CRYM: variants seen among roughly 807,000 people sequenced by gnomAD.
CRYM encodes the protein ketimine reductase mu-crystallin.
A neutral mutation model predicts 32.9 loss-of-function variants in CRYM; 18 were observed. That is an observed-to-expected ratio of 0.55 (90% CI 0.38 to 0.81). The LOEUF is 0.81. CRYM is among the 30% of genes least tolerant of loss of function. The probability of loss-of-function intolerance (pLI) is 0.00; values close to 1 mark genes in which losing one functional copy is unlikely to be tolerated. For synonymous variants in CRYM, 153 were observed against 152.4 expected, an observed-to-expected ratio of 1.00 and a Z score of -0.03; for missense variants, 337 against 393.5, an observed-to-expected ratio of 0.86 and a Z score of 1.21.
chr16:21,294,654 C>T (rs1960747762), intron 1 of CRYM, among the ~76,000 whole-genome samples: 1 of 149,542 alleles, frequency 6.7e-6, no homozygotes, highest in South Asian at 2.1e-4. Flanking sequence ...TTTTCAGCTT[C>T]ATCCATGTCC....
At chr16:21,281,210 GTATC>G (rs2093397628), upstream of CRYM, among the ~76,000 whole-genome samples, 1 of 149,558 alleles carries the variant, frequency 6.7e-6, no homozygotes, top group South Asian at 2.1e-4. Flanking sequence ...ATATGTATAT[GTATC>G]TATGTATCTA....
At chr16:21,288,345 T>C (rs2093410778) in intron 1 of CRYM, among the ~76,000 whole-genome samples, 1 of 152,256 alleles carries the variant, frequency 6.6e-6, no homozygotes, top group Admixed American at 6.5e-5. Flanking sequence ...TTTGTGTGTT[T>C]CTAGAAATGT....
chr16:21,284,009 T>G (rs1156976041), intron 1 of CRYM: 1 of 152,224 alleles, frequency 6.6e-6, no homozygotes, highest in Non-Finnish European at 1.5e-5. Flanking sequence ...TCCTTCTGCC[T>G]GCGTCCTCTG....
chr16:21,286,334 C>T (rs545494706), intron 1 of CRYM, among the ~76,000 whole-genome samples: 63 of 151,772 alleles, frequency 4.2e-4, no homozygotes, highest in African/African-American at 1.3e-3. Context: ...TCTCTTGCCT[C>T]AGCCTCCCAA....
chr16:21,268,167 A>C (rs955801543), intron 4 of CRYM, among the ~76,000 whole-genome samples: 2 of 152,244 alleles, frequency 1.3e-5, no homozygotes, highest in Non-Finnish European at 2.9e-5. Flanking sequence ...TAAAATGGAA[A>C]TATAACTGGC....
In CRYM at chr16:21,267,728, A is replaced by G. The variant is rs765823805; in HGVS notation, c.499T>C (p.Trp167Arg). The change falls in exon 5 of 8, where the codon TGG becomes CGG. Residue 167 changes from tryptophan (W) to arginine (R), a missense_variant. Trp to Arg is a moderately radical substitution (Grantham distance 101, BLOSUM62 -3). Transcript: ENST00000572914. ...TCTGCATTTTCTTTGGTGCGGTTCC[A>G]TATCCTCACCTTCATTGGGAGTAAC... ...EQFSFKEVRI[W>R]NRTKENAEKF... 1 of 1,614,182 alleles carries G rather than the reference A, an allele frequency of 6.2e-7. No homozygotes were observed. Among genetic ancestry groups the G allele is most frequent in the Non-Finnish European group, 8.5e-7 (1 of 1,180,034 alleles).
intron 1 of CRYM, among the ~76,000 whole-genome samples, chr16:21,288,340 G>A (rs955281526): frequency 2.0e-5 from 3 of 152,156 alleles, no homozygotes; most frequent in African/African-American, 4.8e-5. Flanking sequence ...TGTAGTTTGT[G>A]TGTTTCTAGA....
intron 1 of CRYM, among the ~76,000 whole-genome samples, chr16:21,284,484 C>T (rs1004086628): frequency 6.6e-6 from 1 of 152,162 alleles, no homozygotes; most frequent in Non-Finnish European, 1.5e-5. Flanking sequence ...CCATTCTCCT[C>T]TCCCCACTGC....
rs772819409 is a variant in CRYM at position 21,277,508 on chromosome 16, G to C, written c.247C>G (p.Arg83Gly). 5 of 1,613,776 alleles carry C rather than the reference G, an allele frequency of 3.1e-6. No homozygotes were observed. The highest frequency in any genetic ancestry group is 2.2e-5 in the East Asian group (1 of 44,898). ...GAAGGGACGACCGAGGTGATGCCGC[G>C]GTCCTCGTAGAAGGTGACCAACTTG... ...TTKLVTFYED[R>G]GITSVVPSHQ... Residue 83 changes from arginine (R) to glycine (G), a missense_variant, in exon 2 of 8, where the codon CGC becomes GGC. Physicochemically the swap from Arg to Gly is moderately radical, Grantham distance 125. Transcript: ENST00000572914. This position sits in a 1 kb window ranked among gnomAD's most constrained non-coding sequence, Gnocchi z 4.2.
intron 3 of CRYM, 73 bp downstream of exon 3, chr16:21,275,458 TA>T: frequency 1.5e-6 from 2 of 1,339,488 alleles, no homozygotes; most frequent in South Asian, 2.4e-5. Flanking sequence ...ACTTCTCCTT[TA>T]GTCTCTCAAG....
chr16:21,284,522 GT>G (rs1424826079), intron 1 of CRYM, among the ~76,000 whole-genome samples: 13 of 151,930 alleles, frequency 8.6e-5, no homozygotes, highest in Non-Finnish European at 1.9e-4. Context: ...CTACTTTTTT[GT>G]TTGTGGATTT....
chr16:21,264,325 T>C (rs1244858948), intron 5 of CRYM, among the ~76,000 whole-genome samples: 2 of 152,212 alleles, frequency 1.3e-5, no homozygotes, highest in African/African-American at 2.4e-5. Flanking sequence ...CTATTTCCCC[T>C]GCACAACCAC....
chr16:21,291,472 A>C (rs938555430), intron 1 of CRYM, among the ~76,000 whole-genome samples: 2 of 152,108 alleles, frequency 1.3e-5, no homozygotes, highest in Non-Finnish European at 2.9e-5. Context: ...ATTTTGAAAA[A>C]ACTAAACCTT....
chr16:21,277,176 GACA>G lies in CRYM; in HGVS notation c.324+252_324+254del, dbSNP rs1301635175. 8.5e-5 allele frequency among the ~76,000 whole-genome samples: 13 copies of G among 152,196 alleles called. No individual in the cohort carries two copies. Among genetic ancestry groups the G allele is most frequent in the African/African-American group, 2.7e-4 (11 of 41,448 alleles). Reference sequence around the variant, plus strand: ...ATAGGACAAGGACATATGCAAGAATGACAACAAGATTATTATTTCCACACTGTC... The same window carrying G: ...ATAGGACAAGGACATATGCAAGAATGACAAGATTATTATTTCCACACTGTC... On this transcript the variant is annotated intron_variant, in intron 2 of 7. Coordinates refer to ENST00000572914, the MANE Select transcript of CRYM (RefSeq NM_001376256.1). The surrounding 1 kb of genome is among the most constrained non-coding windows in gnomAD (Gnocchi z 4.2).
chr16:21,282,359 A>G (rs1458098648), upstream of CRYM, among the ~76,000 whole-genome samples: 1 of 152,198 alleles, frequency 6.6e-6, no homozygotes, highest in Non-Finnish European at 1.5e-5. Context: ...GCTTCCCAGC[A>G]TAGGATCCCA....
intron 1 of CRYM, among the ~76,000 whole-genome samples, chr16:21,302,129 A>C (rs1238238456): frequency 6.6e-6 from 1 of 152,236 alleles, no homozygotes; most frequent in Non-Finnish European, 1.5e-5. Flanking sequence ...CACTGTTAGG[A>C]ATTTTATATT....
chr16:21,276,423 T>C (rs1051016823), intron 2 of CRYM, among the ~76,000 whole-genome samples: 1 of 152,196 alleles, frequency 6.6e-6, no homozygotes, highest in Non-Finnish European at 1.5e-5. Context: ...ACGGCCAGAT[T>C]ATTTGGCGAT....
upstream of CRYM, chr16:21,278,785 C>G (rs986875707): frequency 7.0e-5 from 11 of 156,266 alleles, no homozygotes; most frequent in African/African-American, 2.7e-4. Flanking sequence ...AGTCTTCCTC[C>G]CCCCTGTACC....
At chr16:21,278,058 CT>C (rs1318430244) in intron 1 of CRYM, 23 bp downstream of exon 1, 2 of 1,536,782 alleles carry the variant, frequency 1.3e-6, no homozygotes, top group Middle Eastern at 2.2e-4. Flanking sequence ...TCTCCTGCCC[CT>C]GACCCCGACC....
Sources: allele counts gnomAD v4.1 joint callset (sites outside exome capture counted in the v4.1 genomes callset), GRCh38; gene constraint gnomAD v4.1.1; non-coding constraint Gnocchi (gnomAD v3.1); transcripts MANE v1.5; gene names NCBI Gene and HGNC (gene_info 2026-07-23, HGNC 2026-07-21).